Variants in CLNS1A observed in about 807,000 individuals in gnomAD.
CLNS1A encodes methylosome subunit pICln.
A neutral mutation model predicts 29.4 loss-of-function variants in CLNS1A; 16 were observed. That is an observed-to-expected ratio of 0.54 (90% CI 0.37 to 0.83). The LOEUF (loss-of-function observed/expected upper bound fraction) is 0.83, where lower values mean the gene tolerates loss of function less well. Ranked by LOEUF, CLNS1A falls within the 40% of genes least tolerant of loss-of-function variation. CLNS1A has a pLI of 0.00. For missense variants in CLNS1A, 235 were observed against 287.4 expected, an observed-to-expected ratio of 0.82 and a Z score of 1.32; for synonymous variants, 96 against 104.8, an observed-to-expected ratio of 0.92 and a Z score of 0.51.
chr11:77,624,854 A>T (rs1474452757), intron 4 of CLNS1A, 109 bp downstream of exon 4: 1 of 649,230 alleles, frequency 1.5e-6, no homozygotes, highest in East Asian at 2.8e-5. Context: ...CATACTGCAT[A>T]CTTTACAGTC....
chr11:77,633,932 C>G (rs563755638), intron 1 of CLNS1A, among the ~76,000 whole-genome samples: 1 of 152,102 alleles, frequency 6.6e-6, no homozygotes, highest in African/African-American at 2.4e-5. Context: ...GAAATCCCAT[C>G]TCTGCTAAAA....
At chr11:77,637,269 AGAAAGAAAGAAAG>A (rs1959138962) in intron 1 of CLNS1A, among the ~76,000 whole-genome samples, 3 of 145,400 alleles carry the variant, frequency 2.1e-5, no homozygotes, top group African/African-American at 5.2e-5. Context: ...AGAAAATAAA[AGAAAGAAAGAAAG>A]AAAAGAAGAA....
chr11:77,632,450 G>A (rs1461773077), intron 1 of CLNS1A, among the ~76,000 whole-genome samples: 1 of 152,104 alleles, frequency 6.6e-6, no homozygotes, highest in Non-Finnish European at 1.5e-5. Flanking sequence ...ACTTTTAAAA[G>A]CCATCATAAT....
chr11:77,622,328 ATCAC>A, intron 5 of CLNS1A, 168 bp downstream of exon 5: 1 of 624,978 alleles, frequency 1.6e-6, no homozygotes, highest in Non-Finnish European at 2.6e-6. Context: ...AGGAAAAAAA[ATCAC>A]TAAAAACAAA....
chr11:77,625,504 G>C (rs1403934462), intron 3 of CLNS1A: 2 of 511,772 alleles, frequency 3.9e-6, no homozygotes, highest in Non-Finnish European at 6.8e-6. Context: ...AGATGACAGA[G>C]TGTCTACAAT....
intron 4 of CLNS1A, 139 bp from the exon 5 acceptor site, chr11:77,622,812 G>A: frequency 3.4e-6 from 2 of 594,080 alleles, no homozygotes; most frequent in East Asian, 3.1e-5. Flanking sequence ...GCCAGGCGTG[G>A]TGGCACGCGC....
At chr11:77,625,225 T>A in intron 3 of CLNS1A, 155 bp from the exon 4 acceptor site, 1 of 608,844 alleles carries the variant, frequency 1.6e-6, no homozygotes, top group Non-Finnish European at 2.9e-6. Context: ...AAAAGACAAG[T>A]CATAAAATAA....
chr11:77,635,714 AT>A (rs1381913900), intron 1 of CLNS1A, among the ~76,000 whole-genome samples: 7 of 152,210 alleles, frequency 4.6e-5, no homozygotes, highest in African/African-American at 1.2e-4. Flanking sequence ...AGGAGTTATA[AT>A]ACTGAAAGAA....
At chr11:77,630,191 T>C (rs140148588) in intron 1 of CLNS1A, among the ~76,000 whole-genome samples, 1 of 152,342 alleles carries the variant, frequency 6.6e-6, no homozygotes, top group African/African-American at 2.4e-5. Context: ...TTTTTTGGTA[T>C]GTCTTCAAAT....
At chr11:77,623,192 C>G (rs949308364) in intron 4 of CLNS1A, among the ~76,000 whole-genome samples, 1 of 151,970 alleles carries the variant, frequency 6.6e-6, no homozygotes. Context: ...GTCAGAGAGT[C>G]CTACATTATC....
chr11:77,625,242 T>C lies in CLNS1A; in HGVS notation c.365-172A>G. On this transcript the variant is annotated intron_variant, in intron 3 of 6. Coordinates refer to ENST00000525428, the MANE Select transcript of CLNS1A (RefSeq NM_001293.3). ...AAGACAAGTCATAAAATAATAAGAG[T>C]TCATTATGAGAGATCATTGCAATCT... The C allele has an allele frequency of 5.0e-6, 3 of 594,370 alleles. No homozygotes were observed. The South Asian group carries it at 6.4e-5, about 13-fold the overall frequency. The allele number at this position is 594,370 out of a possible 1,614,324, so 36.8% of individuals were successfully genotyped here.
chr11:77,636,066 TTTTTTA>T (rs1232390516), intron 1 of CLNS1A, among the ~76,000 whole-genome samples: 15 of 152,014 alleles, frequency 9.9e-5, no homozygotes, highest in Admixed American at 9.2e-4. Context: ...TACACATTCT[TTTTTTA>T]TTTTTATTTT....
In CLNS1A at chr11:77,616,188, C is replaced by CA. The variant is rs1229889130; in HGVS notation, c.*529dup. The CA allele has an allele frequency of 6.6e-6, 1 of 152,144 alleles. No homozygotes were observed. The highest frequency in any genetic ancestry group is 1.9e-4 in the East Asian group (1 of 5,194). The allele number at this position is 152,144 out of a possible 1,614,324, so 9.4% of individuals were successfully genotyped here. On this transcript the variant is annotated 3_prime_UTR_variant, in exon 7 of 7. Coordinates refer to ENST00000525428, the MANE Select transcript of CLNS1A (RefSeq NM_001293.3). The stretch of plus-strand genomic sequence containing the variant: ...CCTAGGTTTATTTGTTAAGCTATTA[C>CA]AAAAACAAAACAATTACCATTTGAA...
At chr11:77,622,308 T>C (rs970226562) in intron 5 of CLNS1A, among the ~76,000 whole-genome samples, 192 bp downstream of exon 5, 3 of 152,202 alleles carry the variant, frequency 2.0e-5, no homozygotes, top group African/African-American at 7.2e-5. Context: ...CAAAGACTTT[T>C]TTGGTAATGA....
chr11:77,617,528 G>A (rs1007274178), intron 6 of CLNS1A, among the ~76,000 whole-genome samples: 8 of 150,814 alleles, frequency 5.3e-5, no homozygotes, highest in South Asian at 2.1e-4. Flanking sequence ...GCAACAGAGC[G>A]AGACTCCCGT....
intron 4 of CLNS1A, among the ~76,000 whole-genome samples, chr11:77,623,285 G>T (rs531525214): frequency 1.3e-5 from 2 of 152,142 alleles, no homozygotes; most frequent in Non-Finnish European, 2.9e-5. Context: ...TAAAAAACAT[G>T]CTCCTTTCTT....
chr11:77,623,486 C>A (rs527523381), intron 4 of CLNS1A, among the ~76,000 whole-genome samples: 1 of 151,592 alleles, frequency 6.6e-6, no homozygotes, highest in African/African-American at 2.4e-5. Context: ...CTCAGCTAAT[C>A]GGGAGACTGG....
intron 1 of CLNS1A, among the ~76,000 whole-genome samples, chr11:77,634,957 G>A (rs1565130891): frequency 6.6e-6 from 1 of 151,952 alleles, no homozygotes; most frequent in Non-Finnish European, 1.5e-5. Flanking sequence ...AACCACGACC[G>A]GCTAATTTTT....
Position 77,622,652 on chromosome 11 carries a change from G to T in CLNS1A, c.494C>A (p.Pro165His). The change falls in exon 5 of 7, where the codon CCT (proline) becomes CAT (histidine). Residue 165 changes from proline (P) to histidine (H), a missense_variant. Physicochemically the swap from Pro to His is moderately conservative, Grantham distance 77. Coordinates refer to ENST00000525428, the MANE Select transcript of CLNS1A (RefSeq NM_001293.3). ...EAHEQGQGDI[P>H]TFYTYEEGLS... is the part of the protein sequence containing the mutation. ...TCCTTCTTCATAGGTGTAAAATGTA[G>T]GGATGTCCCCCTGTCCTTGTTCTAA... The T allele has an allele frequency of 6.2e-7, 1 of 1,606,448 alleles. No individual in the cohort carries two copies. The highest frequency in any genetic ancestry group is 8.5e-7 in the Non-Finnish European group (1 of 1,177,754).
Sources: allele counts gnomAD v4.1 joint callset (sites outside exome capture counted in the v4.1 genomes callset), GRCh38; gene constraint gnomAD v4.1.1; transcripts MANE v1.5; gene names NCBI Gene and HGNC (gene_info 2026-07-23, HGNC 2026-07-21).